Variants in LARP7 observed in about 807,000 individuals in gnomAD.
LARP7 encodes the protein la-related protein 7.
LARP7 carries 52 observed loss-of-function variants against 69.3 expected under a neutral mutation model. That is an observed-to-expected ratio of 0.75 (90% CI 0.60 to 0.95). The LOEUF is 0.95. Ranked by LOEUF, LARP7 falls within the 40% of genes least tolerant of loss-of-function variation. LARP7 has a pLI of 0.00. For missense variants in LARP7, 733 were observed against 673.0 expected (o/e 1.09, Z -0.99); for synonymous variants, 254 against 215.9 (o/e 1.18, Z -1.55).
rs757019983 is a variant in LARP7 at position 112,646,679 on chromosome 4, T to A, written c.387+8T>A. 5.7e-6 allele frequency: 9 copies of A among 1,588,952 alleles called. 1 individual carries two copies. In the South Asian group the frequency reaches 1.0e-4, roughly 19 times the overall value. ...GAACGCACAGTGTATGTGGTAAGCT[T>A]AAGAACCCGGGTCCCCAGTCAGAAA... On this transcript the variant is annotated splice_region_variant and intron_variant, in intron 4 of 12. Transcript: ENST00000344442.
At chr4:112,644,286 G>T in intron 1 of LARP7, 1 of 290,724 alleles carries the variant, frequency 3.4e-6, no homozygotes, top group Non-Finnish European at 6.2e-6. Context: ...GGGTGGGGCG[G>T]GGGCGGGGGG....
chr4:112,651,463 A>G (rs4383675), intron 10 of LARP7, among the ~76,000 whole-genome samples: 102,578 of 151,990 alleles, frequency 0.67, 35,101 homozygotes, highest in East Asian at 0.96. Context: ...TTCAGGAGAC[A>G]GCTGAAAATT....
At chr4:112,648,069 A>G (rs748964754) in intron 8 of LARP7, 4 of 630,304 alleles carry the variant, frequency 6.3e-6, no homozygotes, top group Admixed American at 5.5e-5. Flanking sequence ...GTTAAAGTAG[A>G]GGGGGCCCCT....
intron 1 of LARP7, among the ~76,000 whole-genome samples, chr4:112,639,244 C>T (rs918744286): frequency 6.7e-6 from 1 of 150,090 alleles, no homozygotes; most frequent in Non-Finnish European, 1.5e-5. Flanking sequence ...GAGTCTTGCC[C>T]TGCCGCCCAG....
Position 112,646,354 on chromosome 4 carries a change from TTGATA to T in LARP7, c.208_212del (p.Asp70IlefsTer7), listed in dbSNP as rs1321384501. On this transcript the variant is annotated frameshift_variant, in exon 3 of 13. Transcript: ENST00000344442. LOFTEE classifies it high-confidence loss of function. ...TTAACTTTTTCATTTTCTTTAGATG[TTGATA>T]TATCACTACTTGTGTCTTTTAACAA... is the stretch of plus-strand genomic sequence containing the variant. 7.1e-7 allele frequency: 1 copy of T among 1,408,438 alleles called. No homozygotes were observed. The highest frequency in any genetic ancestry group is 1.8e-5 in the Admixed American group (1 of 55,954). The allele number at this position is 1,408,438 out of a possible 1,614,324, so 87.2% of individuals were successfully genotyped here.
In LARP7 at chr4:112,650,441, C is replaced by T. The variant is rs374274945; in HGVS notation, c.1295-20C>T. 6.5e-5 allele frequency: 105 copies of T among 1,612,890 alleles called. No individual in the cohort carries two copies. Among genetic ancestry groups the T allele is most frequent in the Admixed American group, 1.3e-4 (8 of 59,884 alleles). ...TAAGTGTAAGAGATTTAGTCCTGGT[C>T]TTTTTCCTTTTCTAATCAGCAGCCA... On this transcript the variant is annotated intron_variant, in intron 9 of 12. Transcript: ENST00000344442.
intron 1 of LARP7, among the ~76,000 whole-genome samples, chr4:112,638,879 C>G (rs1478946791): frequency 6.6e-6 from 1 of 152,080 alleles, no homozygotes; most frequent in Admixed American, 6.6e-5. Flanking sequence ...TAAAATGTAT[C>G]ATTTACAATT....
chr4:112,643,849 CAAAG>C (rs2048054505), intron 1 of LARP7, among the ~76,000 whole-genome samples: 1 of 150,578 alleles, frequency 6.6e-6, no homozygotes, highest in Non-Finnish European at 1.5e-5. Flanking sequence ...AAGACTGCCT[CAAAG>C]AAAAGAGAAG....
At chr4:112,641,613 A>G (rs1278634045) in intron 1 of LARP7, among the ~76,000 whole-genome samples, 1 of 152,246 alleles carries the variant, frequency 6.6e-6, no homozygotes, top group Non-Finnish European at 1.5e-5. Flanking sequence ...TATTTGGGAT[A>G]TATTTTAAAG....
At chr4:112,648,679 C>T (rs1477216084) in intron 8 of LARP7, 1 of 376,208 alleles carries the variant, frequency 2.7e-6, no homozygotes, top group Non-Finnish European at 5.5e-6. Flanking sequence ...CCCAAAGATT[C>T]GTGTTCTCCT....
rs1450619794 is a variant in LARP7 at position 112,657,361 on chromosome 4, A to G, written c.*34A>G. On this transcript the variant is annotated 3_prime_UTR_variant, in exon 13 of 13. Coordinates refer to ENST00000344442, the MANE Select transcript of LARP7 (RefSeq NM_016648.4). ...ACAGTTCACCTCTTAATACTTCACA[A>G]GATACTTGAGCTGTTCTTGGGAGAT... 3.5e-6 allele frequency: 4 copies of G among 1,145,620 alleles called. No homozygotes were observed. Among genetic ancestry groups the G allele is most frequent in the Admixed American group, 4.5e-5 (2 of 44,398 alleles). 71.0% of individuals were successfully genotyped at this position (1,145,620 alleles called of 1,614,324 possible).
Position 112,647,397 on chromosome 4 carries a change from T to C in LARP7, c.845T>C (p.Val282Ala), listed in dbSNP as rs1331602086. ...AAGAAAAAGAAAAAACGGGACAGAG[T>C]TGAAGCATCTAGCTTACCTGAAGTC... Reference protein sequence around the residue: ...CSKKKKKRDRVEASSLPEVRT... With the variant: ...CSKKKKKRDRAEASSLPEVRT... Residue 282 changes from valine to alanine, a missense_variant, in exon 7 of 13, where the codon GTT (valine) becomes GCT (alanine). Coordinates refer to ENST00000344442, the MANE Select transcript of LARP7 (RefSeq NM_016648.4). 1.2e-6 allele frequency: 2 copies of C among 1,613,772 alleles called. No homozygotes were observed. The highest frequency in any genetic ancestry group is 1.7e-6 in the Non-Finnish European group (2 of 1,179,938).
chr4:112,644,314 A>G, intron 1 of LARP7: 2 of 265,992 alleles, frequency 7.5e-6, no homozygotes, highest in South Asian at 1.9e-4. Flanking sequence ...GATGGAGAGG[A>G]GGGGGTGTTG....
intron 9 of LARP7, chr4:112,649,933 A>G (rs1482990552): frequency 1.5e-5 from 4 of 269,540 alleles, no homozygotes; most frequent in African/African-American, 2.3e-5. Flanking sequence ...CATCAAGCAC[A>G]TGAGTGCAGA....
In LARP7 at chr4:112,648,339, A is replaced by G. The variant is rs761761909; in HGVS notation, c.1142+505A>G. The stretch of plus-strand genomic sequence containing the variant: ...CACAATAACAAAAAAATTTTGTAAC[A>G]AAAGGTGTGCTGGCTTGGAGACACC... On this transcript the variant is annotated intron_variant, in intron 8 of 12. Coordinates refer to ENST00000344442, the MANE Select transcript of LARP7 (RefSeq NM_016648.4). 9.4e-6 allele frequency: 5 copies of G among 531,956 alleles called. No homozygotes were observed. The Admixed American group carries it at 9.8e-5, about 10-fold the overall frequency. 33.0% of individuals were successfully genotyped at this position (531,956 alleles called of 1,614,324 possible). A position where few individuals can be genotyped will look rare whatever the true frequency, so the allele number is the denominator to read the frequency against.
In LARP7 at chr4:112,647,128, G is replaced by T. The variant is rs2149265035; in HGVS notation, c.646+1G>T. The T allele has an allele frequency of 1.2e-6, 2 of 1,602,496 alleles. No homozygotes were observed. The highest frequency in any genetic ancestry group is 4.5e-5 in the East Asian group (2 of 44,834). Reference sequence around the variant, plus strand: ...CCCATTCCAGCCTTAAGAGTTGTGGGTGAGTATTTTTCAATATTTAAATAG... The same window carrying T: ...CCCATTCCAGCCTTAAGAGTTGTGGTTGAGTATTTTTCAATATTTAAATAG... On this transcript the variant is annotated splice_donor_variant, in intron 6 of 12. Coordinates refer to ENST00000344442, the MANE Select transcript of LARP7 (RefSeq NM_016648.4). LOFTEE classifies it high-confidence loss of function.
rs746633076 is a variant in LARP7, at chr4:112,657,326, G to GA, written c.*9dup. The change falls in exon 13 of 13, where the codon TGA becomes TGAA. Residue 583 remains the stop codon, a frameshift_variant and stop_retained_variant. Transcript: ENST00000344442. LOFTEE classifies it high-confidence loss of function. Reference sequence around the variant, plus strand: ...CATATAAGATTTTCTGAATATGATTGAAAAAAAAAACAGTTCACCTCTTAA... The same window carrying GA: ...CATATAAGATTTTCTGAATATGATTGAAAAAAAAAAACAGTTCACCTCTTAA... ...SKHIRFSEYD[*] 0.024 allele frequency: 31,710 copies of GA among 1,323,104 alleles called. 1 individual carries two copies. The highest frequency in any genetic ancestry group is 0.035 in the South Asian group (2,392 of 69,010). 82.0% of individuals were successfully genotyped at this position (1,323,104 alleles called of 1,614,324 possible). A position where few individuals can be genotyped will look rare whatever the true frequency, so the allele number is the denominator to read the frequency against.
chr4:112,650,503 C>A lies in LARP7; in HGVS notation c.1337C>A (p.Ala446Glu), dbSNP rs566256110. Residue 446 changes from alanine (A) to glutamate (E), a missense_variant, in exon 10 of 13, where the codon GCA (alanine) becomes GAA (glutamate). By Grantham distance (107) the Ala-to-Glu change is moderately radical. Transcript: ENST00000344442. ...EECRTQEKVN[A>E]TGPQFVSGVI... ...TGTCGCACCCAGGAGAAAGTTAATG[C>A]AACAGGACCACAGTTCGTGAGTGGA... 162 of 1,613,748 alleles carry A rather than the reference C, an allele frequency of 1.0e-4. 3 individuals are homozygous for A. The South Asian group carries it at 1.4e-3, about 14-fold the overall frequency.
chr4:112,640,346 G>GC (rs1331941406), intron 1 of LARP7, among the ~76,000 whole-genome samples: 1 of 152,186 alleles, frequency 6.6e-6, no homozygotes, highest in Non-Finnish European at 1.5e-5. Flanking sequence ...CTTAGGTACT[G>GC]ATGAAGTTAA....
Sources: allele counts gnomAD v4.1 joint callset (sites outside exome capture counted in the v4.1 genomes callset), GRCh38; gene constraint gnomAD v4.1.1; transcripts MANE v1.5; gene names NCBI Gene and HGNC (gene_info 2026-07-23, HGNC 2026-07-21).